CDKN2B-AS1: variants seen among roughly 807,000 people sequenced by gnomAD.
CDKN2B-AS1 encodes CDKN2B antisense RNA 1 (non-protein coding).
At chr9:22,108,721 T>C (rs1328517437) in intron 4 of CDKN2B-AS1, among the ~76,000 whole-genome samples, 2 of 152,202 alleles carry the variant, frequency 1.3e-5, no homozygotes, top group African/African-American at 4.8e-5. Context: ...TATTTAATTG[T>C]CCATTTCCAA....
chr9:22,041,483 A>G (rs753242794), intron 1 of CDKN2B-AS1, among the ~76,000 whole-genome samples: 1 of 152,082 alleles, frequency 6.6e-6, no homozygotes, highest in Non-Finnish European at 1.5e-5. Flanking sequence ...TATGCATAAT[A>G]ACCCTGAGAC....
At chr9:22,067,033 G>C (rs1031310052) in intron 4 of CDKN2B-AS1, among the ~76,000 whole-genome samples, 1 of 152,096 alleles carries the variant, frequency 6.6e-6, no homozygotes, top group South Asian at 2.1e-4. Context: ...TTGGACACAG[G>C]GTGGGGAACA....
In CDKN2B-AS1 at chr9:22,098,126, A is replaced by G. The variant is rs58909905; in HGVS notation, n.439-28977A>G. ...CAGCACTCAGAACAGAATGTTGATA[A>G]TGTAGATGGAATATCTTTCTCTCTC... On this transcript the variant is annotated intron_variant and non_coding_transcript_variant, in intron 4 of 4. Transcript: ENST00000650946. Among the ~76,000 whole-genome samples the G allele has an allele frequency of 8.0e-3, 1,219 of 151,586 alleles. 16 individuals carry two copies. The highest frequency in any genetic ancestry group is 0.028 in the African/African-American group (1,145 of 41,250).
At chr9:22,095,581 A>G (rs904698337) in intron 4 of CDKN2B-AS1, among the ~76,000 whole-genome samples, 3 of 151,012 alleles carry the variant, frequency 2.0e-5, no homozygotes, top group Admixed American at 2.0e-4. Flanking sequence ...TGGGGTGGAG[A>G]GTTCTGTAGA....
intron 1 of CDKN2B-AS1, among the ~76,000 whole-genome samples, chr9:22,021,877 A>C (rs1394145950): frequency 6.6e-6 from 1 of 152,204 alleles, no homozygotes; most frequent in Non-Finnish European, 1.5e-5. Flanking sequence ...TTAGTTTCAA[A>C]GAACTTCTTG....
exon 3 of CDKN2B-AS1, chr9:22,049,144 C>T (rs1823232133): frequency 6.6e-6 from 1 of 152,058 alleles, no homozygotes; most frequent in African/African-American, 2.4e-5. Context: ...GAATCCTTTC[C>T]CGAGTCAGTA....
chr9:22,103,457 C>G (rs1825558750), intron 4 of CDKN2B-AS1, among the ~76,000 whole-genome samples: 2 of 152,076 alleles, frequency 1.3e-5, no homozygotes, highest in South Asian at 4.1e-4. Flanking sequence ...TTCCTGCATG[C>G]TGACATCAAG....
intron 1 of CDKN2B-AS1, among the ~76,000 whole-genome samples, chr9:21,998,271 C>T (rs1820773348): frequency 1.3e-5 from 2 of 152,178 alleles, no homozygotes; most frequent in South Asian, 4.1e-4. Flanking sequence ...TGCGGAGTGA[C>T]TATTGGCTAT....
intron 4 of CDKN2B-AS1, among the ~76,000 whole-genome samples, chr9:22,125,267 C>T (rs79944118): frequency 2.0e-4 from 31 of 152,140 alleles, no homozygotes; most frequent in Non-Finnish European, 2.2e-4. Context: ...AGATCATACC[C>T]GAAGTAGAGC....
At chr9:22,124,151 TA>T (rs1427287425) in intron 4 of CDKN2B-AS1, among the ~76,000 whole-genome samples, 3 of 152,204 alleles carry the variant, frequency 2.0e-5, no homozygotes, top group Admixed American at 1.3e-4. Context: ...ATTTCATTTA[TA>T]AAAGGTTAGG....
At chr9:22,083,556 T>A (rs1824770692) in intron 4 of CDKN2B-AS1, among the ~76,000 whole-genome samples, 1 of 152,224 alleles carries the variant, frequency 6.6e-6, no homozygotes, top group South Asian at 2.1e-4. Context: ...CCTTGAATAT[T>A]CTGAATCAGA....
At chr9:22,091,925 G>T (rs7866503) in intron 4 of CDKN2B-AS1, among the ~76,000 whole-genome samples, 77,335 of 151,916 alleles carry the variant, frequency 0.51, 19,870 homozygotes, top group Middle Eastern at 0.69. Context: ...ATGCTTCCAG[G>T]TTTTGCCCAT....
chr9:22,028,275 CAAT>C (rs1301138678), intron 1 of CDKN2B-AS1, among the ~76,000 whole-genome samples: 1 of 152,002 alleles, frequency 6.6e-6, no homozygotes, highest in Non-Finnish European at 1.5e-5. Context: ...ACCACTATCT[CAAT>C]AATCATCAAC....
rs74898391 is a variant in CDKN2B-AS1, at chr9:22,018,961, A to G, written n.29+23800A>G. 2.6e-3 allele frequency among the ~76,000 whole-genome samples: 391 copies of G among 152,322 alleles called. 3 individuals carry two copies. The highest frequency in any genetic ancestry group is 9.0e-3 in the African/African-American group (375 of 41,566). On this transcript the variant is annotated intron_variant and non_coding_transcript_variant, in intron 1 of 4. Coordinates refer to ENST00000650946, the Ensembl canonical transcript of CDKN2B-AS1. Reference sequence around the variant, plus strand: ...CTGGTGGTTGAGGGAATCAAGAGATATTTGAGTTGAGGTCTGCAGTATTAT... The same window carrying G: ...CTGGTGGTTGAGGGAATCAAGAGATGTTTGAGTTGAGGTCTGCAGTATTAT...
exon 5 of CDKN2B-AS1, among the ~76,000 whole-genome samples, chr9:22,127,678 G>GA (rs1302557028): frequency 3.9e-5 from 6 of 152,140 alleles, no homozygotes; most frequent in Non-Finnish European, 7.3e-5. Context: ...GTGAGGAAGG[G>GA]AGACAGGAGG....
chr9:22,106,753 TAAGGTG>T (rs1230171977), intron 4 of CDKN2B-AS1, among the ~76,000 whole-genome samples: 1 of 152,112 alleles, frequency 6.6e-6, no homozygotes, highest in Non-Finnish European at 1.5e-5. Context: ...TTATTAATAG[TAAGGTG>T]GTAAAATAAT....
At chr9:22,038,063 A>G (rs1822758599) in intron 1 of CDKN2B-AS1, among the ~76,000 whole-genome samples, 2 of 152,048 alleles carry the variant, frequency 1.3e-5, no homozygotes, top group African/African-American at 4.8e-5. Flanking sequence ...TTACACAATC[A>G]TATTTCATAA....
At chr9:22,061,484 T>C (rs2131299016) in intron 4 of CDKN2B-AS1, among the ~76,000 whole-genome samples, 1 of 152,332 alleles carries the variant, frequency 6.6e-6, no homozygotes, top group South Asian at 2.1e-4. Flanking sequence ...TTGGGCCTAT[T>C]AGCTACAAAC....
At chr9:22,034,281 A>G (rs920986410) in intron 1 of CDKN2B-AS1, among the ~76,000 whole-genome samples, 14 of 152,178 alleles carry the variant, frequency 9.2e-5, no homozygotes, top group Admixed American at 3.9e-4. Flanking sequence ...GAAGTTTGGC[A>G]TGTCTCTTTT....
Sources: gnomAD v4.1 joint callset for allele counts (sites outside exome capture counted in the v4.1 genomes callset) on GRCh38, gnomAD v4.1.1 for gene constraint, MANE v1.5 for transcripts, NCBI Gene and HGNC (gene_info 2026-07-23, HGNC 2026-07-21) for gene names.